The following CPZ variants were observed in gnomAD, a reference collection of about 807,000 sequenced individuals.
The protein encoded by CPZ is carboxypeptidase Z.
CPZ carries 103 observed loss-of-function variants against 61.8 expected under a neutral mutation model. That is an observed-to-expected ratio of 1.67 (90% CI 1.42 to 1.96). The LOEUF (loss-of-function observed/expected upper bound fraction) is 1.96, where lower values mean the gene tolerates loss of function less well. Among genes scored for constraint, CPZ ranks in the 30% most tolerant of loss-of-function variants. The pLI is 0.00. For missense variants in CPZ, 1,461 were observed against 914.9 expected (o/e 1.60, Z -7.70); for synonymous variants, 551 against 373.7 (o/e 1.47, Z -5.47).
At chr4:8,614,944 G>A (rs931670122) in intron 9 of CPZ, among the ~76,000 whole-genome samples, 2 of 151,998 alleles carry the variant, frequency 1.3e-5, no homozygotes, top group Admixed American at 6.5e-5. Flanking sequence ...ACCCCAAGGG[G>A]ACATCAAAAC....
intron 9 of CPZ, among the ~76,000 whole-genome samples, chr4:8,615,681 T>C (rs978725218): frequency 6.6e-6 from 1 of 152,142 alleles, no homozygotes; most frequent in African/African-American, 2.4e-5. Flanking sequence ...AGGCTCCCAA[T>C]GTCTGCGAGC....
intron 7 of CPZ, chr4:8,611,069 C>CA: frequency 2.8e-6 from 1 of 361,922 alleles, no homozygotes; most frequent in South Asian, 1.9e-5. Flanking sequence ...CTCACTCATT[C>CA]ACTCATTCAT....
intron 2 of CPZ, chr4:8,600,891 G>A (rs2109316419): frequency 4.7e-6 from 6 of 1,266,604 alleles, no homozygotes; most frequent in African/African-American, 1.5e-5. Context: ...GCAGCCTGCT[G>A]CGGCTGGCTT....
intron 8 of CPZ, among the ~76,000 whole-genome samples, chr4:8,612,389 T>C (rs1715788581): frequency 6.6e-6 from 1 of 152,266 alleles, no homozygotes; most frequent in South Asian, 2.1e-4. Context: ...GTGGCTCCTG[T>C]AGTTTATTTC....
In CPZ at chr4:8,619,513, C is replaced by G. The variant is rs531809420; in HGVS notation, c.1855C>G (p.Leu619Val). Residue 619 changes from leucine (L) to valine (V), a missense_variant, in exon 11 of 11, where the codon CTC becomes GTC. By Grantham distance (32) the Leu-to-Val change is conservative (BLOSUM62 1). Transcript: ENST00000360986. ...GGGGGAGGCCACGGAGCCCGACCCG[C>G]TCCGGGCGCGCAGGCAGCCCTCGGC... ...SLGEATEPDP[L>V]RARRQPSADG... 1 of 1,598,522 alleles carries G rather than the reference C, an allele frequency of 6.3e-7. No homozygotes were observed. The highest frequency in any genetic ancestry group is 8.5e-7 in the Non-Finnish European group (1 of 1,170,842).
At chr4:8,601,604 G>C in intron 3 of CPZ, 107 bp downstream of exon 3, 1 of 1,218,722 alleles carries the variant, frequency 8.2e-7, no homozygotes, top group South Asian at 1.8e-5. Flanking sequence ...GACAGTGACG[G>C]TGCAGGCATT....
At chr4:8,610,598 CAGGT>C (rs1715569403) in intron 7 of CPZ, among the ~76,000 whole-genome samples, 1 of 152,162 alleles carries the variant, frequency 6.6e-6, no homozygotes, top group Admixed American at 6.5e-5. Context: ...AGGTGGGACA[CAGGT>C]AGAATGTAGC....
chr4:8,595,377 G>A (rs1410407450), intron 1 of CPZ, among the ~76,000 whole-genome samples: 3 of 152,230 alleles, frequency 2.0e-5, no homozygotes, highest in African/African-American at 4.8e-5. Flanking sequence ...TGGTTGGGGT[G>A]GGGAAGCAAT....
In CPZ at chr4:8,606,118, TCAA is replaced by T. The variant is rs1415601070; in HGVS notation, c.842_844del (p.Asn281del). 6.2e-7 allele frequency: 1 copy of T among 1,614,154 alleles called. No homozygotes were observed. Among genetic ancestry groups the T allele is most frequent in the Non-Finnish European group, 8.5e-7 (1 of 1,180,026 alleles). Reference sequence around the variant, plus strand: ...GGTAACCCCCGCATCCAGCGCCTGCTCAACACCACCCGCATCCACCTGCTGCCC... The same window carrying T: ...GGTAACCCCCGCATCCAGCGCCTGCTCACCACCCGCATCCACCTGCTGCCC... On this transcript the variant is annotated inframe_deletion, in exon 5 of 11. Transcript: ENST00000360986.
Position 8,604,089 on chromosome 4 carries a change from T to C in CPZ, c.610T>C (p.Cys204Arg), listed in dbSNP as rs1255160394. The C allele has an allele frequency of 1.9e-6, 3 of 1,608,860 alleles. No individual in the cohort carries two copies. Among genetic ancestry groups the C allele is most frequent in the Non-Finnish European group, 2.5e-6 (3 of 1,178,540 alleles). ...VRVLRRTASR[C>R]AHVARTYSIG... ...TGTGCTGAGGCGGACGGCCTCCCGC[T>C]GCGCCCACGTGGCCAGGACCTACAG... The change falls in exon 4 of 11, where the codon TGC (cysteine) becomes CGC (arginine). Residue 204 changes from cysteine (C) to arginine (R), a missense_variant. Coordinates refer to ENST00000360986, the MANE Select transcript of CPZ (RefSeq NM_001014447.3).
Position 8,592,909 on chromosome 4 carries a change from C to T in CPZ, c.76C>T (p.Arg26Trp), listed in dbSNP as rs982875969. ...TGCCCGGCCGGGGTGCGAGTTTGAGCGGAACCCCGCCGGTAAGGCCGTCCC... is the reference window on the plus strand; with the variant it reads ...TGCCCGGCCGGGGTGCGAGTTTGAGTGGAACCCCGCCGGTAAGGCCGTCCC... Reference protein sequence around the residue: ...AAARPGCEFERNPAGECHRPP... With the variant: ...AAARPGCEFEWNPAGECHRPP... Residue 26 changes from arginine (R) to tryptophan (W), a missense_variant, in exon 1 of 11, where the codon CGG becomes TGG. Physicochemically the swap from Arg to Trp is moderately radical, Grantham distance 101 (BLOSUM62 -3). Transcript: ENST00000360986. 6 of 1,533,676 alleles carry T rather than the reference C, an allele frequency of 3.9e-6. No individual in the cohort carries two copies. The highest frequency in any genetic ancestry group is 2.0e-5 in the Admixed American group (1 of 50,452).
At chr4:8,594,490 C>A (rs993451504) in intron 1 of CPZ, among the ~76,000 whole-genome samples, 2 of 152,190 alleles carry the variant, frequency 1.3e-5, no homozygotes, top group Admixed American at 6.5e-5. Context: ...TGCTGTGTGA[C>A]CTGGGCAGAT....
At chr4:8,598,034 A>AGCCCAAGGGCAGCCGTGTCT (rs1714308378) in intron 1 of CPZ, among the ~76,000 whole-genome samples, 1 of 152,166 alleles carries the variant, frequency 6.6e-6, no homozygotes, top group Non-Finnish European at 1.5e-5. Flanking sequence ...AGGGAGAGTG[A>AGCCCAAGGGCAGCCGTGTCT]GCCCAAGGGC....
chr4:8,619,665 G>A lies in CPZ; in HGVS notation c.*48G>A, dbSNP rs1050465. On this transcript the variant is annotated 3_prime_UTR_variant, in exon 11 of 11. Transcript: ENST00000360986. ...GATGTGGAGACCGAGGCCCATCTCCGCATCCCGGGCTCCTGGCTCTTGATT... is the reference window on the plus strand; with the variant it reads ...GATGTGGAGACCGAGGCCCATCTCCACATCCCGGGCTCCTGGCTCTTGATT... The A allele has an allele frequency of 0.27, 362,011 of 1,352,954 alleles. 51,353 individuals carry two copies. Among genetic ancestry groups the A allele is most frequent in the Non-Finnish European group, 0.3 (302,750 of 1,023,314 alleles). 83.8% of individuals were successfully genotyped at this position (1,352,954 alleles called of 1,614,324 possible). A position where few individuals can be genotyped will look rare whatever the true frequency, so the allele number is the denominator to read the frequency against.
At chr4:8,602,158 C>G (rs568868597) in intron 3 of CPZ, 1 of 152,412 alleles carries the variant, frequency 6.6e-6, no homozygotes, top group African/African-American at 2.4e-5. Flanking sequence ...GGCCACTTGT[C>G]TCTGAGGTGT....
chr4:8,613,461 G>A (rs374823444), intron 8 of CPZ, among the ~76,000 whole-genome samples: 3 of 152,192 alleles, frequency 2.0e-5, no homozygotes, highest in African/African-American at 7.2e-5. Context: ...ACGGCCCTGG[G>A]AAAGCATGAA....
chr4:8,618,955 G>A (rs1177896649), intron 10 of CPZ, among the ~76,000 whole-genome samples: 1 of 151,852 alleles, frequency 6.6e-6, no homozygotes, highest in African/African-American at 2.4e-5. Context: ...GCTGTGATAT[G>A]TGTTACCTGG....
At chr4:8,604,232 A>AG (rs1447872418) in intron 4 of CPZ, 44 bp downstream of exon 4, 1 of 1,482,746 alleles carries the variant, frequency 6.7e-7, no homozygotes, top group African/African-American at 1.4e-5. Flanking sequence ...GTTTCGGGAA[A>AG]GGGCTTGGGC....
At chr4:8,607,215 C>A in intron 6 of CPZ, 52 bp from the exon 7 acceptor site, 1 of 1,585,522 alleles carries the variant, frequency 6.3e-7, no homozygotes, top group Non-Finnish European at 8.6e-7. Flanking sequence ...GGCATGGCTG[C>A]GGGCCAGTGG....
Sources: allele counts gnomAD v4.1 joint callset (sites outside exome capture counted in the v4.1 genomes callset), GRCh38; gene constraint gnomAD v4.1.1; transcripts MANE v1.5; gene names NCBI Gene and HGNC (gene_info 2026-07-23, HGNC 2026-07-21).